Variants in MFF observed in about 807,000 individuals in gnomAD.
The protein encoded by MFF is mitochondrial fission factor.
A neutral mutation model predicts 36.9 loss-of-function variants in MFF; 12 were observed. The observed-to-expected ratio is 0.33, with a 90% confidence interval of 0.21 to 0.53. MFF has a LOEUF of 0.53. MFF is among the 20% of genes least tolerant of loss of function. MFF has a pLI of 0.95. For missense variants in MFF, 348 were observed against 366.6 expected (o/e 0.95, Z 0.42); for synonymous variants, 99 against 126.2 (o/e 0.78, Z 1.44).
rs763857831 is a variant in MFF, at chr2:227,352,555, C to G, written c.641C>G (p.Pro214Arg). 1.2e-5 allele frequency: 20 copies of G among 1,613,604 alleles called. No homozygotes were observed. In the South Asian group the frequency reaches 2.0e-4, roughly 16 times the overall value. ...GGGTCTGCTGCCGCCACTTCTAATC[C>G]TCATCATGACAACGTCAGGTAAATT... Reference protein sequence around the residue: ...RGGSAAATSNPHHDNVRYGIS... With the variant: ...RGGSAAATSNRHHDNVRYGIS... The change falls in exon 7 of 9, where the codon CCT becomes CGT. Residue 214 changes from proline (P) to arginine (R), a missense_variant. Pro to Arg is a moderately radical substitution (Grantham distance 103). Transcript: ENST00000304593.
chr2:227,345,222 A>G (rs1392746499), intron 5 of MFF, among the ~76,000 whole-genome samples: 2 of 152,198 alleles, frequency 1.3e-5, no homozygotes, highest in Non-Finnish European at 2.9e-5. Flanking sequence ...GTTTCTGGCA[A>G]AAGGATTTCT....
intron 5 of MFF, chr2:227,342,690 TTTTC>T: frequency 4.2e-6 from 6 of 1,436,974 alleles, no homozygotes; most frequent in Non-Finnish European, 5.8e-6. Context: ...AGATCTAGCT[TTTTC>T]TTTGTGTTAT....
intron 4 of MFF, among the ~76,000 whole-genome samples, chr2:227,334,331 T>C (rs6741297): frequency 1 from 152,343 of 152,348 alleles, 76,169 homozygotes; most frequent in Middle Eastern, 1. Flanking sequence ...TACCAGCTGC[T>C]TATTGAAAGC....
Position 227,356,616 on chromosome 2 carries a change from G to T in MFF, c.745-370G>T, listed in dbSNP as rs561515715. Among the ~76,000 whole-genome samples, 9 of 152,230 alleles carry T rather than the reference G, an allele frequency of 5.9e-5. No individual in the cohort carries two copies. In the East Asian group the frequency reaches 1.7e-3, roughly 29 times the overall value. On this transcript the variant is annotated intron_variant, in intron 8 of 8. Coordinates refer to ENST00000304593, the MANE Select transcript of MFF (RefSeq NM_001277062.2). The stretch of plus-strand genomic sequence containing the variant: ...AGTTCATAGGAGAGGCATAGAAAGG[G>T]GAAGGAGTCCCGTATTCTTTCTGCT...
At chr2:227,353,220 A>C (rs781559057) in intron 7 of MFF, among the ~76,000 whole-genome samples, 1 of 152,214 alleles carries the variant, frequency 6.6e-6, no homozygotes, top group Non-Finnish European at 1.5e-5. Flanking sequence ...ATACAAATAC[A>C]TGCAGTTCTT....
intron 6 of MFF, among the ~76,000 whole-genome samples, chr2:227,348,872 G>A (rs1419438733): frequency 1.3e-5 from 2 of 151,924 alleles, no homozygotes; most frequent in Admixed American, 1.3e-4. Context: ...TCTTTATTTA[G>A]TATGGTAGGA....
intron 7 of MFF, 58 bp from the exon 8 acceptor site, chr2:227,355,619 G>A: frequency 1.1e-6 from 1 of 888,466 alleles, no homozygotes; most frequent in Non-Finnish European, 1.8e-6. Context: ...GATGTGGCGT[G>A]CCATTTACTC....
chr2:227,337,642 T>C (rs1333596649), intron 4 of MFF, among the ~76,000 whole-genome samples: 1 of 152,228 alleles, frequency 6.6e-6, no homozygotes, highest in Non-Finnish European at 1.5e-5. Flanking sequence ...CACTAGACAC[T>C]GTGACCCAAC....
intron 5 of MFF, among the ~76,000 whole-genome samples, chr2:227,344,961 A>G (rs2075630343): frequency 6.6e-6 from 1 of 152,214 alleles, no homozygotes; most frequent in Non-Finnish European, 1.5e-5. Flanking sequence ...ATGTTAAATT[A>G]TAACTGAGGA....
At chr2:227,342,473 T>C (rs568600978) in intron 5 of MFF, among the ~76,000 whole-genome samples, 33 of 152,186 alleles carry the variant, frequency 2.2e-4, no homozygotes, top group Non-Finnish European at 3.7e-4. Context: ...CCTACTTTAG[T>C]GTTTTCTTTG....
chr2:227,343,518 T>C (rs555274448), intron 5 of MFF, among the ~76,000 whole-genome samples: 3 of 152,212 alleles, frequency 2.0e-5, no homozygotes, highest in Non-Finnish European at 4.4e-5. Context: ...ATAGTGGCAA[T>C]ATATTAAAAT....
At chr2:227,330,495 G>A in intron 2 of MFF, 131 bp from the exon 3 acceptor site, 1 of 605,286 alleles carries the variant, frequency 1.7e-6, no homozygotes, top group Admixed American at 3.4e-5. Flanking sequence ...TTTTTGCTTT[G>A]TATGTGTTCA....
intron 5 of MFF, among the ~76,000 whole-genome samples, chr2:227,343,483 T>C (rs1426087346): frequency 7.2e-5 from 11 of 152,172 alleles, no homozygotes. Flanking sequence ...TTATTATGCT[T>C]CCAGGAACTA....
intron 4 of MFF, among the ~76,000 whole-genome samples, chr2:227,335,044 G>A (rs1054487805): frequency 1.3e-5 from 2 of 151,794 alleles, no homozygotes; most frequent in African/African-American, 2.4e-5. Context: ...TGGTGTGGAC[G>A]CCTGTAATCC....
intron 1 of MFF, among the ~76,000 whole-genome samples, chr2:227,326,359 T>C (rs930882466): frequency 1.3e-5 from 2 of 151,992 alleles, no homozygotes; most frequent in Non-Finnish European, 2.9e-5. Context: ...TTTTTCTGCC[T>C]CAATTCCGTT....
chr2:227,335,171 CAAAAAAAA>C (rs386392817), intron 4 of MFF, among the ~76,000 whole-genome samples: 2 of 128,670 alleles, frequency 1.6e-5, no homozygotes, highest in Non-Finnish European at 3.2e-5. Context: ...CTCTGTCTCT[CAAAAAAAA>C]AAAAAAAAGG....
chr2:227,339,099 G>A (rs935920323), intron 4 of MFF, among the ~76,000 whole-genome samples: 1 of 151,610 alleles, frequency 6.6e-6, no homozygotes, highest in African/African-American at 2.4e-5. Flanking sequence ...CTACTTCAGA[G>A]GCTAAAATGG....
At chr2:227,339,377 G>A (rs1411358622) in intron 4 of MFF, among the ~76,000 whole-genome samples, 3 of 152,160 alleles carry the variant, frequency 2.0e-5, no homozygotes, top group Non-Finnish European at 2.9e-5. Flanking sequence ...GAAGGGAAAA[G>A]CTTGTTTCTG....
chr2:227,330,627 G>T lies in MFF; in HGVS notation c.-39G>T. 1 of 1,613,178 alleles carries T rather than the reference G, an allele frequency of 6.2e-7. No individual in the cohort carries two copies. Among genetic ancestry groups the T allele is most frequent in the Non-Finnish European group, 8.5e-7 (1 of 1,179,186 alleles). ...TGTCTTTAAATTTTTCTCCCACAGG[G>T]TGAGCAGGGCAGCATTTCCTTCTCC... On this transcript the variant is annotated splice_region_variant and 5_prime_UTR_variant, in exon 3 of 9. Transcript: ENST00000304593.
Sources: allele counts gnomAD v4.1 joint callset (sites outside exome capture counted in the v4.1 genomes callset), GRCh38; gene constraint gnomAD v4.1.1; transcripts MANE v1.5; gene names NCBI Gene and HGNC (gene_info 2026-07-23, HGNC 2026-07-21).